Variants in USH1C observed in about 807,000 individuals in gnomAD.
USH1C encodes the protein harmonin.
In USH1C, 90 loss-of-function variants were observed where a neutral mutation model predicts 119.3. The observed-to-expected ratio is 0.75, with a 90% CI of 0.64 to 0.90. USH1C has a LOEUF of 0.90. USH1C is among the 40% of genes least tolerant of loss of function. The probability of loss-of-function intolerance (pLI) is 0.00; values close to 1 mark genes in which losing one functional copy is unlikely to be tolerated. For missense variants in USH1C, 1,165 were observed against 1,167.7 expected (o/e 1.00, Z 0.03); for synonymous variants, 465 against 443.3 (o/e 1.05, Z -0.62).
At position 17,505,823 on chromosome 11, in the gene USH1C, G is replaced by A; in HGVS notation, c.2133+7C>T. The A allele has an allele frequency of 1.2e-6, 2 of 1,613,974 alleles. No homozygotes were observed. The highest frequency in any genetic ancestry group is 1.7e-6 in the Non-Finnish European group (2 of 1,179,894). ...GAGACAACCTGGAGGGGACCCAAGGGGCTTACCAGAACTTCAGATTTCACA... is the reference window on the plus strand; with the variant it reads ...GAGACAACCTGGAGGGGACCCAAGGAGCTTACCAGAACTTCAGATTTCACA... On this transcript the variant is annotated splice_region_variant and intron_variant, in intron 19 of 26. Transcript: ENST00000005226.
chr11:17,544,288 C>A lies in USH1C; in HGVS notation c.20G>T (p.Arg7Leu). 6.2e-7 allele frequency: 1 copy of A among 1,614,064 alleles called. No individual in the cohort carries two copies. Among genetic ancestry groups the A allele is most frequent in the Non-Finnish European group, 8.5e-7 (1 of 1,179,990 alleles). The change falls in exon 1 of 27, where the codon CGA (arginine) becomes CTA (leucine). Residue 7 changes from arginine (R) to leucine (L), a missense_variant. Physicochemically the swap from Arg to Leu is moderately radical, Grantham distance 102 (BLOSUM62 -2). Coordinates refer to ENST00000005226, the MANE Select transcript of USH1C (RefSeq NM_153676.4). ...AGCTCTGACCTTATGCCGGAATTCT[C>A]GGGCCACTTTTCGGTCCATGGCTGG... MDRKVA[R>L]EFRHKVDFLI...
chr11:17,498,992 G>A (rs1310402117), intron 23 of USH1C, among the ~76,000 whole-genome samples: 1 of 152,190 alleles, frequency 6.6e-6, no homozygotes, highest in Non-Finnish European at 1.5e-5. Context: ...GCTGTAATAA[G>A]GTGCTCCTGA....
chr11:17,538,250 T>A (rs1428412632), intron 1 of USH1C, among the ~76,000 whole-genome samples: 1 of 152,202 alleles, frequency 6.6e-6, no homozygotes, highest in African/African-American at 2.4e-5. Context: ...TCTCTGGCAC[T>A]GTGCTATTGG....
chr11:17,522,539 C>A (rs910065719), intron 12 of USH1C, among the ~76,000 whole-genome samples: 1 of 152,208 alleles, frequency 6.6e-6, no homozygotes, highest in Non-Finnish European at 1.5e-5. Flanking sequence ...TAGTAGGATG[C>A]TTATTTTCCA....
chr11:17,515,283 A>G (rs1452831911), intron 15 of USH1C, among the ~76,000 whole-genome samples: 1 of 152,232 alleles, frequency 6.6e-6, no homozygotes, highest in African/African-American at 2.4e-5. Flanking sequence ...ATTCAATGCT[A>G]TACAAATCCT....
rs1485227182 is a variant in USH1C, at chr11:17,509,555, A to G, written c.1814T>C (p.Ile605Thr). ...WVQRTPPPIP[I>T]PPPPSVPTQD... The stretch of plus-strand genomic sequence containing the variant: ...GGTGGGAACGGATGGCGGGGGAGGG[A>G]TGGGAATGGGGGGTGGAGTGCGCTG... The change falls in exon 18 of 27, where the codon ATC becomes ACC. Residue 605 changes from isoleucine (I) to threonine (T), a missense_variant. Coordinates refer to ENST00000005226, the MANE Select transcript of USH1C (RefSeq NM_153676.4). The G allele has an allele frequency of 7.5e-6, 8 of 1,072,912 alleles. No homozygotes were observed. The highest frequency in any genetic ancestry group is 4.0e-5 in the African/African-American group (2 of 49,476). The allele number at this position is 1,072,912 out of a possible 1,614,324, so 66.5% of individuals were successfully genotyped here.
chr11:17,505,633 G>A (rs1849619700), intron 19 of USH1C, among the ~76,000 whole-genome samples, 197 bp downstream of exon 19: 1 of 152,262 alleles, frequency 6.6e-6, no homozygotes, highest in African/African-American at 2.4e-5. Context: ...GTGGGGAACA[G>A]AAATTCCACT....
rs778921099 is a variant in USH1C, at chr11:17,527,250, T to C, written c.469A>G (p.Lys157Glu). 1.2e-6 allele frequency: 2 copies of C among 1,610,898 alleles called. No homozygotes were observed. Among genetic ancestry groups the C allele is most frequent in the South Asian group, 2.2e-5 (2 of 90,794 alleles). Residue 157 changes from lysine (K) to glutamate (E), a missense_variant, in exon 5 of 27, where the codon AAG (lysine) becomes GAG (glutamate). Physicochemically the swap from Lys to Glu is moderately conservative, Grantham distance 56 (BLOSUM62 1). Transcript: ENST00000005226. Reference protein sequence around the residue: ...HEEVINLIRTKKTVSIKVRHI... With the variant: ...HEEVINLIRTEKTVSIKVRHI... Reference sequence around the variant, plus strand: ...CTCACTTTGATGGACACAGTTTTCTTGGTTCGAATGAGGTTGATGACCTCC... The same window carrying C: ...CTCACTTTGATGGACACAGTTTTCTCGGTTCGAATGAGGTTGATGACCTCC...
At chr11:17,515,471 T>C (rs952804171) in intron 15 of USH1C, among the ~76,000 whole-genome samples, 12 of 152,218 alleles carry the variant, frequency 7.9e-5, no homozygotes, top group Non-Finnish European at 1.5e-4. Flanking sequence ...GTGCTCTGGT[T>C]TCTGGGGGAC....
rs747133793 is a variant in USH1C at position 17,494,377 on chromosome 11, C to T, written c.2656-1G>A. 3 of 1,597,732 alleles carry T rather than the reference C, an allele frequency of 1.9e-6. No individual in the cohort carries two copies. Among genetic ancestry groups the T allele is most frequent in the Non-Finnish European group, 2.6e-6 (3 of 1,171,518 alleles). On this transcript the variant is annotated splice_acceptor_variant, in intron 26 of 26. Coordinates refer to ENST00000005226, the MANE Select transcript of USH1C (RefSeq NM_153676.4). LOFTEE classifies it high-confidence loss of function. ...CCCTTTTGGACTTCAGAAGAAGGTC[C>T]TGCAGGGAAGTGGAAACAGCCCAGG...
chr11:17,521,325 G>A lies in USH1C; in HGVS notation c.1085+21C>T, dbSNP rs2240488. On this transcript the variant is annotated intron_variant, in intron 13 of 26. Transcript: ENST00000005226. The stretch of plus-strand genomic sequence containing the variant: ...CACACTGATGTTCATGCACAGACAC[G>A]CGTGGAGCCGAGGTACTCACTGTTC... The A allele has an allele frequency of 4.3e-6, 7 of 1,613,130 alleles. No homozygotes were observed. In the Admixed American group the frequency reaches 8.3e-5, roughly 19 times the overall value.
In USH1C at chr11:17,509,575, G is replaced by A; in HGVS notation, c.1794C>T (p.Arg598=). 1.2e-6 allele frequency: 2 copies of A among 1,601,254 alleles called. No homozygotes were observed. The highest frequency in any genetic ancestry group is 1.7e-6 in the Non-Finnish European group (2 of 1,174,562). ...VSASSSPWVQ[R]TPPPIPIPPP... ...GAGGGATGGGAATGGGGGGTGGAGTGCGCTGCACCCATGGAGAGGATGAGG... is the reference window on the plus strand; with the variant it reads ...GAGGGATGGGAATGGGGGGTGGAGTACGCTGCACCCATGGAGAGGATGAGG... Residue 598 remains arginine (R), a synonymous_variant, in exon 18 of 27, where the codon CGC becomes CGT. Transcript: ENST00000005226.
intron 23 of USH1C, among the ~76,000 whole-genome samples, chr11:17,500,662 C>T (rs970947464): frequency 2.0e-5 from 3 of 152,198 alleles, no homozygotes; most frequent in African/African-American, 7.2e-5. Context: ...GTTCGCCCCT[C>T]TGAGGAGCAC....
chr11:17,512,135 C>T (rs1849920625), intron 15 of USH1C, 81 bp from the exon 16 acceptor site: 8 of 1,475,838 alleles, frequency 5.4e-6, no homozygotes, highest in African/African-American at 4.2e-5. Context: ...CCAGTCCTCA[C>T]ATAACACAAC....
In USH1C at chr11:17,501,996, G is replaced by C; in HGVS notation, c.2185-16C>G. The C allele has an allele frequency of 2.5e-6, 4 of 1,613,312 alleles. No individual in the cohort carries two copies. The highest frequency in any genetic ancestry group is 3.4e-6 in the Non-Finnish European group (4 of 1,179,598). ...TCCGGAAATCCTGGAAGCAAAGGGA[G>C]GGCTTTAGGGCAACACAGCAGAGGG... On this transcript the variant is annotated splice_polypyrimidine_tract_variant and intron_variant, in intron 20 of 26. Coordinates refer to ENST00000005226, the MANE Select transcript of USH1C (RefSeq NM_153676.4).
At chr11:17,526,872 C>T (rs1318445059) in intron 6 of USH1C, 62 bp from the exon 7 acceptor site, 2 of 1,597,980 alleles carry the variant, frequency 1.3e-6, no homozygotes, top group African/African-American at 1.3e-5. Context: ...GAACCAGGCC[C>T]CACATCCAGA....
intron 18 of USH1C, among the ~76,000 whole-genome samples, chr11:17,507,136 G>C (rs755591695): frequency 3.2e-4 from 48 of 152,166 alleles, no homozygotes; most frequent in Non-Finnish European, 6.6e-4. Flanking sequence ...GACTGTGTGG[G>C]CGTGTGGTCA....
intron 1 of USH1C, chr11:17,533,844 A>G (rs1851111391): frequency 4.5e-6 from 2 of 442,060 alleles, no homozygotes; most frequent in South Asian, 3.2e-5. Flanking sequence ...GTGCCAGGGG[A>G]CCTTCACTCT....
In USH1C at chr11:17,496,743, C is replaced by T. The variant is rs770609102; in HGVS notation, c.2546+15G>A. The T allele has an allele frequency of 6.2e-7, 1 of 1,614,158 alleles. No homozygotes were observed. The highest frequency in any genetic ancestry group is 8.5e-7 in the Non-Finnish European group (1 of 1,179,982). On this transcript the variant is annotated intron_variant, in intron 25 of 26. Coordinates refer to ENST00000005226, the MANE Select transcript of USH1C (RefSeq NM_153676.4). ...GGAAGAAGAGGTCTCAGGCTAGGTGCTTGCACACACTTACAGCTCATCGTC... is the reference window on the plus strand; with the variant it reads ...GGAAGAAGAGGTCTCAGGCTAGGTGTTTGCACACACTTACAGCTCATCGTC...
Sources: gnomAD v4.1 joint callset for allele counts (sites outside exome capture counted in the v4.1 genomes callset) on GRCh38, gnomAD v4.1.1 for gene constraint, MANE v1.5 for transcripts, NCBI Gene and HGNC (gene_info 2026-07-23, HGNC 2026-07-21) for gene names.